JPH3: variants seen among roughly 807,000 people sequenced by gnomAD.
JPH3 encodes the protein junctophilin 3, also known as junctophilin-3.
JPH3 carries 11 observed loss-of-function variants against 59.6 expected under a neutral mutation model. The ratio of observed to expected loss-of-function variants is 0.18; its 90% CI spans 0.12 to 0.31. The LOEUF (loss-of-function observed/expected upper bound fraction) is 0.31. Among genes scored for constraint, JPH3 ranks in the 10% least tolerant of loss-of-function variants. JPH3 has a pLI of 1.00. For synonymous variants in JPH3, 673 were observed against 483.6 expected (o/e 1.39, Z -5.14); for missense variants, 1,202 against 1,105.7 (o/e 1.09, Z -1.24).
At position 87,684,118 on chromosome 16, in the gene JPH3, C is replaced by T. The variant is rs368787073; in HGVS notation, c.1161-24C>T. The T allele has an allele frequency of 4.4e-5, 71 of 1,604,708 alleles. No homozygotes were observed. The African/African-American group carries it at 8.0e-4, about 18-fold the overall frequency. ...GTCACCTGTGCCCCCTGCCCCCCCT[C>T]ACGCTCCTCCCTGTCTCCCCCAGGA... On this transcript the variant is annotated intron_variant, in intron 2 of 4. Coordinates refer to ENST00000284262, the MANE Select transcript of JPH3 (RefSeq NM_020655.4).
chr16:87,608,076 G>A (rs2030592136), intron 1 of JPH3, among the ~76,000 whole-genome samples: 2 of 152,246 alleles, frequency 1.3e-5, no homozygotes, highest in African/African-American at 4.8e-5. Flanking sequence ...TGAGCTGGCC[G>A]GGGAGTGAGG....
In JPH3 at chr16:87,640,334, A is replaced by C. The variant is rs369706882; in HGVS notation, c.383-3924A>C. Among the ~76,000 whole-genome samples the C allele has an allele frequency of 3.7e-3, 559 of 149,570 alleles. 9 individuals carry two copies. The highest frequency in any genetic ancestry group is 0.013 in the African/African-American group (515 of 40,148). On this transcript the variant is annotated intron_variant, in intron 1 of 4. Transcript: ENST00000284262. ...CAGAGCAAGACTCCATCTCAAAAAA[A>C]AAAGGGTTGTCCGGTTACCTGTGCA...
chr16:87,604,509 G>A (rs2030433997), intron 1 of JPH3: 4 of 1,304,346 alleles, frequency 3.1e-6, no homozygotes, highest in East Asian at 4.5e-5. Context: ...CTTATCCTCA[G>A]AGGCACTGGG....
upstream of JPH3, among the ~76,000 whole-genome samples, chr16:87,602,425 C>CGGGGGCGGGGGCGGGGGGCG (rs2030241432): frequency 1.6e-4 from 1 of 6,122 alleles, no homozygotes; most frequent in African/African-American, 6.8e-4. Flanking sequence ...GGGGCGGGGG[C>CGGGGGCGGGGGCGGGGGGCG]GGGGGCGGGG....
chr16:87,632,950 C>G (rs961712533), intron 1 of JPH3, among the ~76,000 whole-genome samples: 2 of 151,840 alleles, frequency 1.3e-5, no homozygotes, highest in African/African-American at 4.8e-5. Flanking sequence ...CCAGGCTGGT[C>G]TGGAACTCTG....
At chr16:87,643,610 A>G (rs549918381) in intron 1 of JPH3, among the ~76,000 whole-genome samples, 3 of 152,296 alleles carry the variant, frequency 2.0e-5, no homozygotes, top group East Asian at 1.9e-4. Context: ...CTCCTAACCC[A>G]GGACGCGTTT....
intron 4 of JPH3, chr16:87,693,468 G>C (rs1277380189): frequency 6.6e-6 from 1 of 152,266 alleles, no homozygotes; most frequent in Non-Finnish European, 1.5e-5. Flanking sequence ...GAGGTTATCA[G>C]TTCGAGACCA....
intron 2 of JPH3, 83 bp from the exon 3 acceptor site, chr16:87,684,059 G>A: frequency 1.0e-6 from 1 of 975,652 alleles, no homozygotes; most frequent in South Asian, 1.4e-5. Flanking sequence ...GCCCGTTGTT[G>A]GGGGGTTGGC....
chr16:87,668,799 C>T (rs1243903326), intron 2 of JPH3, among the ~76,000 whole-genome samples: 1 of 152,162 alleles, frequency 6.6e-6, no homozygotes, highest in Non-Finnish European at 1.5e-5. Context: ...CTGCCTCCTC[C>T]ACTGTCCCCA....
At chr16:87,620,488 A>AGAGAAGGAGAGAAGAGAGG (rs1555534453) in intron 1 of JPH3, among the ~76,000 whole-genome samples, 14,674 of 99,060 alleles carry the variant, frequency 0.15, 1,084 homozygotes, top group East Asian at 0.27. Flanking sequence ...GAAGAGAGGG[A>AGAGAAGGAGAGAAGAGAGG]GAGGGGGAGG....
At chr16:87,625,190 A>C (rs1440670196) in intron 1 of JPH3, among the ~76,000 whole-genome samples, 2 of 152,214 alleles carry the variant, frequency 1.3e-5, no homozygotes, top group Non-Finnish European at 2.9e-5. Context: ...CTGGAAGCTG[A>C]GAAGTCTTTT....
At chr16:87,696,086 G>C (rs2033835110) in intron 4 of JPH3, 1 of 457,032 alleles carries the variant, frequency 2.2e-6, no homozygotes, top group African/African-American at 2.0e-5. Context: ...TGAGGACACT[G>C]TGCTCACGGA....
chr16:87,637,629 G>A (rs931247719), intron 1 of JPH3, among the ~76,000 whole-genome samples: 7 of 152,124 alleles, frequency 4.6e-5, no homozygotes, highest in Non-Finnish European at 8.8e-5. Context: ...AGGCCCTTCT[G>A]CTCTCCTTTC....
At chr16:87,685,324 C>A (rs1448242702) in intron 3 of JPH3, among the ~76,000 whole-genome samples, 2 of 152,238 alleles carry the variant, frequency 1.3e-5, no homozygotes, top group Non-Finnish European at 2.9e-5. Context: ...AGCTTCTATT[C>A]CACTGCGTCC....
intron 1 of JPH3, among the ~76,000 whole-genome samples, chr16:87,620,282 A>T (rs1041127031): frequency 7.0e-6 from 1 of 142,228 alleles, no homozygotes; most frequent in Admixed American, 7.1e-5. Flanking sequence ...AGCAGAGGCC[A>T]GGGGGGTGGG....
chr16:87,664,310 C>T (rs908494057), intron 2 of JPH3, among the ~76,000 whole-genome samples: 5 of 124,198 alleles, frequency 4.0e-5, no homozygotes, highest in Admixed American at 3.5e-4. Flanking sequence ...CCAGCCTGGG[C>T]GACAGAATGA....
intron 3 of JPH3, among the ~76,000 whole-genome samples, chr16:87,687,703 C>G (rs1230095876): frequency 6.6e-6 from 1 of 152,252 alleles, no homozygotes; most frequent in African/African-American, 2.4e-5. Context: ...GTTACCTGCT[C>G]AGCAGCTCAT....
intron 2 of JPH3, among the ~76,000 whole-genome samples, chr16:87,658,376 C>T (rs910116533): frequency 1.1e-4 from 17 of 151,516 alleles, no homozygotes; most frequent in African/African-American, 4.1e-4. Context: ...CTCCCCCTCT[C>T]TTTTTCCCTT....
chr16:87,684,551 C>T (rs1318393104), intron 3 of JPH3: 7 of 422,074 alleles, frequency 1.7e-5, no homozygotes, highest in Non-Finnish European at 3.0e-5. Context: ...GGTGAATTCC[C>T]ACCTGCCCAG....
Sources: allele counts gnomAD v4.1 joint callset (sites outside exome capture counted in the v4.1 genomes callset), GRCh38; gene constraint gnomAD v4.1.1; transcripts MANE v1.5; gene names NCBI Gene and HGNC (gene_info 2026-07-23, HGNC 2026-07-21).